The following KIAA1671 variants were observed in gnomAD, a reference collection of about 807,000 sequenced individuals.
KIAA1671 encodes the protein KIAA1671, also known as uncharacterized protein KIAA1671.
Under a neutral mutation model 131.2 loss-of-function variants are expected in KIAA1671, and 52 were observed. The observed-to-expected ratio is 0.40, with a 90% CI of 0.32 to 0.50. KIAA1671 has a LOEUF of 0.50. Among genes scored for constraint, KIAA1671 ranks in the 20% least tolerant of loss-of-function variants. KIAA1671 has a pLI of 0.73. For synonymous variants in KIAA1671, 1,003 were observed against 961.6 expected, an observed-to-expected ratio of 1.04 and a Z score of -0.80; for missense variants, 2,360 against 2,364.2, an observed-to-expected ratio of 1.00 and a Z score of 0.04.
At chr22:25,144,229 T>C (rs1932845147) in intron 6 of KIAA1671, among the ~76,000 whole-genome samples, 1 of 152,240 alleles carries the variant, frequency 6.6e-6, no homozygotes, top group African/African-American at 2.4e-5. Context: ...ATGTGCTGAA[T>C]GGTCTTTGTT....
At chr22:25,082,886 G>A (rs1166212315) in intron 6 of KIAA1671, among the ~76,000 whole-genome samples, 1 of 152,114 alleles carries the variant, frequency 6.6e-6, no homozygotes, top group Admixed American at 6.5e-5. Flanking sequence ...AAATTCTGAG[G>A]CAGGGACATA....
intron 6 of KIAA1671, among the ~76,000 whole-genome samples, chr22:25,090,624 A>G (rs1005871638): frequency 6.6e-6 from 1 of 152,270 alleles, no homozygotes; most frequent in African/African-American, 2.4e-5. Context: ...TCTGTAAGGC[A>G]AGAAGAATGA....
intron 2 of KIAA1671, 32 bp from the exon 3 acceptor site, chr22:25,027,913 A>G: frequency 1.8e-6 from 2 of 1,112,508 alleles, no homozygotes; most frequent in East Asian, 2.6e-5. Context: ...CTGTTTTCCA[A>G]ATTTACTTGT....
chr22:25,098,314 T>C (rs1185223993), intron 6 of KIAA1671, among the ~76,000 whole-genome samples: 1 of 152,112 alleles, frequency 6.6e-6, no homozygotes, highest in Non-Finnish European at 1.5e-5. Flanking sequence ...TCTCTCCCCT[T>C]TCGTTCCCTT....
chr22:24,967,308 A>C (rs1922349932), intron 1 of KIAA1671, among the ~76,000 whole-genome samples: 1 of 152,150 alleles, frequency 6.6e-6, no homozygotes, highest in Non-Finnish European at 1.5e-5. Flanking sequence ...TTTACAGTTG[A>C]GGAAACGGAG....
At chr22:25,141,669 C>T (rs1932809402) in intron 6 of KIAA1671, among the ~76,000 whole-genome samples, 1 of 152,124 alleles carries the variant, frequency 6.6e-6, no homozygotes, top group Non-Finnish European at 1.5e-5. Flanking sequence ...AGTGACATAT[C>T]TCTTTTCTAA....
chr22:25,103,143 A>G (rs1452431493), intron 6 of KIAA1671, among the ~76,000 whole-genome samples: 2 of 151,756 alleles, frequency 1.3e-5, no homozygotes, highest in South Asian at 2.1e-4. Flanking sequence ...GGGATCAGAC[A>G]GGTCTGGGTT....
Position 25,040,928 on chromosome 22 carries a change from C to T in KIAA1671, c.3798C>T (p.Ala1266=), listed in dbSNP as rs1407450132. The change falls in exon 5 of 13, where the codon GCC becomes GCT. Residue 1266 remains alanine, a synonymous_variant. Transcript: ENST00000358431. The part of the protein sequence containing the change: ...TGGLWKPASS[A]EINHSFTPGL... ...GTCTCTGGAAACCGGCCAGTTCTGC[C>T]GAAATAAATCACAGTTTCACTCCTG... 8.1e-6 allele frequency: 12 copies of T among 1,489,742 alleles called. No individual in the cohort carries two copies. Among genetic ancestry groups the T allele is most frequent in the Middle Eastern group, 1.8e-4 (1 of 5,658 alleles). The allele number at this position is 1,489,742 out of a possible 1,614,324, so 92.3% of individuals were successfully genotyped here.
At chr22:25,164,808 C>A (rs1273907357) in intron 6 of KIAA1671, among the ~76,000 whole-genome samples, 1 of 152,006 alleles carries the variant, frequency 6.6e-6, no homozygotes, top group Non-Finnish European at 1.5e-5. Flanking sequence ...ATTAGCTGGG[C>A]CTGGTGGCAC....
Position 25,041,459 on chromosome 22 carries a change from T to C in KIAA1671, c.4329T>C (p.Thr1443=), listed in dbSNP as rs764932356. The change falls in exon 5 of 13, where the codon ACT becomes ACC. Residue 1443 remains threonine, a synonymous_variant. Coordinates refer to ENST00000358431, the MANE Select transcript of KIAA1671 (RefSeq NM_001145206.2). ...REQPKGRPSL[T]GENLEAKMGP... ...AGCCCAAAGGGAGGCCCAGCCTTAC[T>C]GGAGAGAATTTGGAGGCCAAAATGG... 7 of 1,551,642 alleles carry C rather than the reference T, an allele frequency of 4.5e-6. No individual in the cohort carries two copies. The highest frequency in any genetic ancestry group is 6.1e-6 in the Non-Finnish European group (7 of 1,146,990).
In KIAA1671 at chr22:25,093,530, T is replaced by C. The variant is rs1267698054; in HGVS notation, c.4530+44166T>C. ...GTTCATTACTGCACAGTGTGTTCAA[T>C]TGCTTGGAGAAGTCCTTCCTCCAAG... On this transcript the variant is annotated intron_variant, in intron 6 of 12. Coordinates refer to ENST00000358431, the MANE Select transcript of KIAA1671 (RefSeq NM_001145206.2). 5.3e-5 allele frequency among the ~76,000 whole-genome samples: 8 copies of C among 152,258 alleles called. No individual in the cohort carries two copies. In the East Asian group the frequency reaches 1.4e-3, roughly 26 times the overall value.
chr22:25,029,659 A>G (rs1926167182), intron 3 of KIAA1671, 119 bp downstream of exon 3: 1 of 724,278 alleles, frequency 1.4e-6, no homozygotes, highest in Non-Finnish European at 2.2e-6. Flanking sequence ...ATAGCCCAAG[A>G]GGAGGTAGTG....
At chr22:25,050,956 CCTGT>C (rs1447413480) in intron 6 of KIAA1671, 4 of 152,152 alleles carry the variant, frequency 2.6e-5, no homozygotes, top group Non-Finnish European at 5.9e-5. Flanking sequence ...GCATTTTAAA[CCTGT>C]CTTTTTAGAG....
chr22:25,108,009 A>G (rs1213345353), intron 6 of KIAA1671, among the ~76,000 whole-genome samples: 1 of 151,254 alleles, frequency 6.6e-6, no homozygotes, highest in Non-Finnish European at 1.5e-5. Context: ...CTTTGTCTCA[A>G]AAAAAAATTA....
intron 6 of KIAA1671, chr22:25,063,404 C>T (rs1019854592): frequency 6.6e-6 from 1 of 152,176 alleles, no homozygotes; most frequent in Non-Finnish European, 1.5e-5. Flanking sequence ...ATAATGTCTT[C>T]TGCAGCAACT....
chr22:25,027,554 G>A (rs1407397108), intron 2 of KIAA1671, among the ~76,000 whole-genome samples: 1 of 152,198 alleles, frequency 6.6e-6, no homozygotes, highest in African/African-American at 2.4e-5. Flanking sequence ...CTGGTTTTAA[G>A]TCCTGACTTC....
intron 6 of KIAA1671, among the ~76,000 whole-genome samples, chr22:25,093,733 ACACACTCTCTCT>A (rs1930157485): frequency 3.0e-5 from 1 of 33,222 alleles, no homozygotes; most frequent in African/African-American, 2.5e-4. Flanking sequence ...ACACACACAC[ACACACTCTCTCT>A]CTCTCTCTCT....
chr22:24,988,273 T>G (rs1027146475), intron 1 of KIAA1671, among the ~76,000 whole-genome samples: 1 of 98,728 alleles, frequency 1.0e-5, no homozygotes, highest in Non-Finnish European at 1.9e-5. Context: ...AGAGTGAAAC[T>G]CCATCTCAAA....
intron 1 of KIAA1671, among the ~76,000 whole-genome samples, chr22:24,976,384 A>T (rs1327054283): frequency 6.6e-6 from 1 of 152,228 alleles, no homozygotes; most frequent in East Asian, 1.9e-4. Flanking sequence ...CTGAGCAGGG[A>T]CACAAATGCT....
Sources: allele counts gnomAD v4.1 joint callset (sites outside exome capture counted in the v4.1 genomes callset), GRCh38; gene constraint gnomAD v4.1.1; transcripts MANE v1.5; gene names NCBI Gene and HGNC (gene_info 2026-07-23, HGNC 2026-07-21).